The following DPF2 variants were observed in gnomAD, a reference collection of about 807,000 sequenced individuals.
DPF2 encodes the protein zinc finger protein ubi-d4.
DPF2 carries 10 observed loss-of-function variants against 59.6 expected under a neutral mutation model. The observed-to-expected ratio is 0.17, with a 90% confidence interval of 0.10 to 0.28. DPF2 has a LOEUF of 0.28. Among genes scored for constraint, DPF2 ranks in the 10% least tolerant of loss-of-function variants. The pLI is 1.00. For synonymous variants in DPF2, 189 were observed against 190.6 expected, an observed-to-expected ratio of 0.99 and a Z score of 0.07; for missense variants, 315 against 509.4, an observed-to-expected ratio of 0.62 and a Z score of 3.67.
At position 65,341,092 on chromosome 11, in the gene DPF2, G is replaced by A. The variant is rs540770158; in HGVS notation, c.301+19G>A. On this transcript the variant is annotated intron_variant, in intron 3 of 10. Transcript: ENST00000528416. ...AAGCCAGGTAAGGCACATACTTCCT[G>A]AGCAGAGGCGTGGCCTGCTGCATGG... 2.5e-5 allele frequency: 41 copies of A among 1,612,536 alleles called. No homozygotes were observed. Among genetic ancestry groups the A allele is most frequent in the South Asian group, 2.4e-4 (22 of 91,034 alleles).
intron 1 of DPF2, among the ~76,000 whole-genome samples, chr11:65,337,504 TAGAGAGAGAG>T (rs1188984367): frequency 3.3e-3 from 70 of 21,386 alleles, no homozygotes; most frequent in Middle Eastern, 0.038. Context: ...TATATATATA[TAGAGAGAGAG>T]AGAGAGAGAG....
rs547798630 is a variant in DPF2 at position 65,349,062 on chromosome 11, C to T, written c.1099+131C>T. Reference sequence around the variant, plus strand: ...GGGAGTAAAGCACCTTGCCTTGGCTCAGTTTAGAATGCCTTCCTAACATTT... The same window carrying T: ...GGGAGTAAAGCACCTTGCCTTGGCTTAGTTTAGAATGCCTTCCTAACATTT... On this transcript the variant is annotated intron_variant, in intron 10 of 10. Coordinates refer to ENST00000528416, the MANE Select transcript of DPF2 (RefSeq NM_006268.5). The T allele has an allele frequency of 1.8e-5, 18 of 977,078 alleles. No homozygotes were observed. In the African/African-American group the frequency reaches 2.4e-4, roughly 13 times the overall value. The allele number at this position is 977,078 out of a possible 1,614,324, so 60.5% of individuals were successfully genotyped here.
At chr11:65,348,641 A>T in intron 9 of DPF2, 1 of 391,298 alleles carries the variant, frequency 2.6e-6, no homozygotes, top group Non-Finnish European at 4.6e-6. Context: ...AGTGGAGGTG[A>T]TTTGATCAAT....
chr11:65,350,611 G>A (rs1214511242), intron 10 of DPF2, among the ~76,000 whole-genome samples: 3 of 150,402 alleles, frequency 2.0e-5, no homozygotes, highest in African/African-American at 7.3e-5. Context: ...CGAACTCCTG[G>A]GCTCAAGTGA....
chr11:65,341,403 A>T lies in DPF2; in HGVS notation c.306A>T (p.Thr102=), dbSNP rs370514099. The T allele has an allele frequency of 6.2e-7, 1 of 1,614,208 alleles. No individual in the cohort carries two copies. The highest frequency in any genetic ancestry group is 8.5e-7 in the Non-Finnish European group (1 of 1,180,026). The part of the protein sequence containing the change: ...RLSFPSIKPD[T]DQTLKKEGLI... ...TTATCCTGACCTTGCTTGCAGACAC[A>T]GACCAGACCCTGAAGAAGGAGGGGC... Residue 102 remains threonine (T), a synonymous_variant, in exon 4 of 11, where the codon ACA becomes ACT. Coordinates refer to ENST00000528416, the MANE Select transcript of DPF2 (RefSeq NM_006268.5).
intron 6 of DPF2, chr11:65,344,775 C>T (rs893509352): frequency 2.6e-5 from 21 of 802,286 alleles, no homozygotes; most frequent in Non-Finnish European, 3.7e-5. Flanking sequence ...GTGCTCTACT[C>T]CTCAAAGTCC....
chr11:65,345,874 G>A (rs1206020929), intron 7 of DPF2, 56 bp from the exon 8 acceptor site: 2 of 1,613,316 alleles, frequency 1.2e-6, no homozygotes, highest in African/African-American at 1.3e-5. Flanking sequence ...CCTTGCATGG[G>A]TGTTGAGTGG....
chr11:65,349,728 G>A (rs891374825), intron 10 of DPF2, among the ~76,000 whole-genome samples: 6 of 151,882 alleles, frequency 4.0e-5, no homozygotes, highest in Non-Finnish European at 8.8e-5. Flanking sequence ...CCCGGGAAGC[G>A]GAGCTTGCAG....
intron 6 of DPF2, 36 bp from the exon 7 acceptor site, chr11:65,345,630 C>A (rs770789972): frequency 1.2e-6 from 2 of 1,612,492 alleles, no homozygotes; most frequent in African/African-American, 2.7e-5. Flanking sequence ...ACTCTTGTAT[C>A]CTAACACCTT....
intron 4 of DPF2, 55 bp from the exon 5 acceptor site, chr11:65,343,690 G>A: frequency 1.3e-6 from 2 of 1,538,804 alleles, no homozygotes; most frequent in Non-Finnish European, 1.8e-6. Context: ...TCTCATCATA[G>A]GGGAGCTTTT....
In DPF2 at chr11:65,333,928, C is replaced by T. The variant is rs567703590; in HGVS notation, c.32+10C>T. 1.9e-6 allele frequency: 3 copies of T among 1,613,544 alleles called. No homozygotes were observed. Among genetic ancestry groups the T allele is most frequent in the African/African-American group, 1.3e-5 (1 of 74,886 alleles). ...AGAATGTAGTGAAGCTGTGAGTGGT[C>T]GTTTCTTTCTCTCCTAGGGCGGCAG... On this transcript the variant is annotated intron_variant, in intron 1 of 10. Transcript: ENST00000528416.
intron 6 of DPF2, 177 bp from the exon 7 acceptor site, chr11:65,345,489 G>A: frequency 2.4e-6 from 2 of 825,648 alleles, no homozygotes; most frequent in South Asian, 3.5e-5. Flanking sequence ...GAGCCCCACG[G>A]CCTGATGCTC....
At chr11:65,348,751 T>A in intron 9 of DPF2, 99 bp from the exon 10 acceptor site, 1 of 1,186,080 alleles carries the variant, frequency 8.4e-7, no homozygotes, top group Non-Finnish European at 1.2e-6. Flanking sequence ...CATCTGTTCT[T>A]ACCTGCTACC....
intron 1 of DPF2, among the ~76,000 whole-genome samples, chr11:65,337,486 TATATATATATATATATATAGAGAG>T (rs1292540085): frequency 3.7e-5 from 2 of 53,952 alleles, no homozygotes; most frequent in African/African-American, 1.5e-4. Flanking sequence ...TATATATATA[TATATATATATATATATATAGAGAG>T]AGAGAGAGAG....
chr11:65,345,510 G>A (rs1854501418), intron 6 of DPF2, 156 bp from the exon 7 acceptor site: 1 of 1,025,418 alleles, frequency 9.8e-7, no homozygotes, highest in Non-Finnish European at 1.4e-6. Context: ...CTGGCTGAGG[G>A]GAAGTGGCCG....
intron 1 of DPF2, among the ~76,000 whole-genome samples, chr11:65,335,862 G>A (rs1950088259): frequency 6.6e-6 from 1 of 151,992 alleles, no homozygotes; most frequent in Non-Finnish European, 1.5e-5. Context: ...GGCCCGGGCT[G>A]GAATGCAGTG....
intron 1 of DPF2, among the ~76,000 whole-genome samples, chr11:65,334,456 G>A (rs181573025): frequency 1.3e-5 from 2 of 152,364 alleles, no homozygotes; most frequent in Admixed American, 6.5e-5. Flanking sequence ...AAATATTCTT[G>A]GGAAGAATTT....
chr11:65,348,789 G>A (rs1406340337), intron 9 of DPF2, 61 bp from the exon 10 acceptor site: 1 of 1,560,922 alleles, frequency 6.4e-7, no homozygotes, highest in Non-Finnish European at 8.8e-7. Context: ...GCAGTGTCCT[G>A]TAGTGGCCTG....
Position 65,352,039 on chromosome 11 carries a change from T to G in DPF2, c.*280T>G. ...TTAAGTGCATTCACTCTGCTTGCCTTGGGCCCAGCCCCTGGTGATCACAGG... is the reference window on the plus strand; with the variant it reads ...TTAAGTGCATTCACTCTGCTTGCCTGGGGCCCAGCCCCTGGTGATCACAGG... On this transcript the variant is annotated 3_prime_UTR_variant, in exon 11 of 11. Coordinates refer to ENST00000528416, the MANE Select transcript of DPF2 (RefSeq NM_006268.5). The G allele has an allele frequency of 2.2e-6, 1 of 459,868 alleles. No individual in the cohort carries two copies. The highest frequency in any genetic ancestry group is 4.0e-6 in the Non-Finnish European group (1 of 251,804). 28.5% of individuals were successfully genotyped at this position (459,868 alleles called of 1,614,324 possible).
Sources: gnomAD v4.1 joint callset for allele counts (sites outside exome capture counted in the v4.1 genomes callset) on GRCh38, gnomAD v4.1.1 for gene constraint, MANE v1.5 for transcripts, NCBI Gene and HGNC (gene_info 2026-07-23, HGNC 2026-07-21) for gene names.